LAMA1: variants seen among roughly 807,000 people sequenced by gnomAD.
LAMA1 encodes the protein laminin subunit alpha-1.
A neutral mutation model predicts 348.7 loss-of-function variants in LAMA1; 219 were observed. The observed-to-expected ratio is 0.63, with a 90% confidence interval of 0.56 to 0.70. The LOEUF is 0.70. LAMA1 is among the 30% of genes least tolerant of loss of function. LAMA1 has a pLI of 0.00. For missense variants in LAMA1, 3,744 were observed against 3,888.0 expected (o/e 0.96, Z 0.99); for synonymous variants, 1,487 against 1,491.0 (o/e 1.00, Z 0.06).
At chr18:7,008,692 A>C (rs2057844867) in intron 27 of LAMA1, 84 bp from the exon 28 acceptor site, 1 of 1,507,908 alleles carries the variant, frequency 6.6e-7, no homozygotes, top group East Asian at 2.3e-5. Flanking sequence ...ACACTTGCAT[A>C]TATATGAAAC....
At chr18:6,970,770 G>A (rs2057654768) in intron 48 of LAMA1, among the ~76,000 whole-genome samples, 2 of 152,096 alleles carry the variant, frequency 1.3e-5, no homozygotes, top group African/African-American at 4.8e-5. Context: ...GTGCCACCAT[G>A]CCCAGATAAT....
chr18:6,986,313 T>G lies in LAMA1; in HGVS notation c.5203A>C (p.Asn1735His). The G allele has an allele frequency of 1.2e-6, 2 of 1,614,188 alleles. No individual in the cohort carries two copies. The highest frequency in any genetic ancestry group is 1.7e-6 in the Non-Finnish European group (2 of 1,180,032). The change falls in exon 37 of 63, where the codon AAT (asparagine) becomes CAT (histidine). Residue 1735 changes from asparagine to histidine, a missense_variant. Asn to His is a moderately conservative substitution (Grantham distance 68, BLOSUM62 1). Around this residue, in one of 3 missense-constraint regions of LAMA1, gnomAD observed 1,983 missense variants for 1,934.3 expected, o/e 1.03. Transcript: ENST00000389658. ...AEDLLSQIQE[N>H]YQKPLEELEV... The stretch of plus-strand genomic sequence containing the variant: ...AATTCTTCCAGCGGCTTCTGGTAAT[T>G]TTCCTGAATTTGTGACAATAAATCT...
intron 19 of LAMA1, among the ~76,000 whole-genome samples, chr18:7,020,948 C>T (rs368889524): frequency 1.3e-5 from 2 of 152,156 alleles, no homozygotes; most frequent in African/African-American, 4.8e-5. Flanking sequence ...ACAGGGAGGA[C>T]GAGGTGACCT....
chr18:6,966,898 T>A (rs1224250402), intron 48 of LAMA1, among the ~76,000 whole-genome samples: 1 of 152,244 alleles, frequency 6.6e-6, no homozygotes, highest in East Asian at 1.9e-4. Context: ...GTGTGTTTTC[T>A]GGTCTTCTCC....
intron 1 of LAMA1, among the ~76,000 whole-genome samples, chr18:7,098,306 G>T (rs1480919969): frequency 2.6e-5 from 4 of 151,900 alleles, no homozygotes; most frequent in Non-Finnish European, 5.9e-5. Context: ...CTGCCTGGCC[G>T]CCCATCGTCT....
rs769399218 is a variant in LAMA1 at position 7,008,587 on chromosome 18, C to G, written c.4023G>C (p.Glu1341Asp). 4.3e-6 allele frequency: 7 copies of G among 1,614,054 alleles called. No homozygotes were observed. The highest frequency in any genetic ancestry group is 2.2e-5 in the South Asian group (2 of 91,078). Residue 1341 changes from glutamate (E) to aspartate (D), a missense_variant, in exon 28 of 63, where the codon GAG becomes GAC. Glu to Asp is a conservative substitution (Grantham distance 45). This residue lies in a region of LAMA1 where 1,983 missense variants were observed against 1,934.3 expected (regional missense o/e 1.03). Transcript: ENST00000389658. ...GCAGCTTTTCAGCCTTTCTGCCAAC[C>G]TCCATTGAAATGTCTGAGATTCTGT... is the stretch of plus-strand genomic sequence containing the variant. ...QQSRISDISM[E>D]VGRKAEKLHP...
intron 41 of LAMA1, among the ~76,000 whole-genome samples, 169 bp downstream of exon 41, chr18:6,982,312 TGAAGTTTATATGATAG>T (rs1231462152): frequency 6.6e-6 from 1 of 152,166 alleles, no homozygotes; most frequent in Non-Finnish European, 1.5e-5. Flanking sequence ...CCAAATTATA[TGAAGTTTATATGATAG>T]GAAGTTTATA....
intron 1 of LAMA1, among the ~76,000 whole-genome samples, chr18:7,095,122 T>TTC (rs71165720): frequency 0.15 from 18,346 of 125,982 alleles, 1,531 homozygotes; most frequent in South Asian, 0.2. Flanking sequence ...CTCAGGACCT[T>TTC]TCTCTCTCTC....
intron 19 of LAMA1, among the ~76,000 whole-genome samples, chr18:7,018,569 G>T (rs1221470176): frequency 6.6e-6 from 1 of 151,462 alleles, no homozygotes; most frequent in Non-Finnish European, 1.5e-5. Flanking sequence ...CTAATTTTTT[G>T]TATTTTTAGT....
chr18:7,042,907 A>C, intron 8 of LAMA1: 1 of 285,528 alleles, frequency 3.5e-6, no homozygotes, highest in Admixed American at 4.8e-5. Flanking sequence ...AAAAAAAAAG[A>C]TTGGCTGAAC....
At chr18:7,065,904 G>C (rs1485003481) in intron 3 of LAMA1, among the ~76,000 whole-genome samples, 1 of 152,210 alleles carries the variant, frequency 6.6e-6, no homozygotes, top group Admixed American at 6.5e-5. Context: ...GCCAGAGCGA[G>C]TCAGTGCTTT....
intron 1 of LAMA1, among the ~76,000 whole-genome samples, chr18:7,106,397 G>C (rs1345491812): frequency 6.8e-6 from 1 of 147,654 alleles, no homozygotes; most frequent in Non-Finnish European, 1.5e-5. Flanking sequence ...GTCTCACTCT[G>C]TCGCCAGGCT....
chr18:6,955,368 G>T lies in LAMA1; in HGVS notation c.8192C>A (p.Ser2731Ter), dbSNP rs773457070. Residue 2731 changes from serine (S) to a stop codon, truncating the protein, a stop_gained, in exon 57 of 63, where the codon TCG becomes TAG. Transcript: ENST00000389658. LOFTEE classifies it high-confidence loss of function. ...NSHFILPFNQSAVRKKLSVEL... is the reference protein window; with the variant it reads ...NSHFILPFNQ ...TGATACCTACTTCTTTCTGACAGCCGACTGATTAAAAGGCAAGATGAAATG... is the reference window on the plus strand; with the variant it reads ...TGATACCTACTTCTTTCTGACAGCCTACTGATTAAAAGGCAAGATGAAATG... 1.6e-5 allele frequency: 26 copies of T among 1,613,668 alleles called. No individual in the cohort carries two copies. The highest frequency in any genetic ancestry group is 2.1e-5 in the Non-Finnish European group (25 of 1,179,820).
intron 36 of LAMA1, among the ~76,000 whole-genome samples, chr18:6,991,515 C>T (rs1185185056): frequency 3.3e-5 from 5 of 151,642 alleles, no homozygotes; most frequent in African/African-American, 9.7e-5. Flanking sequence ...CTCAGCCTCC[C>T]GAGTAGCTGA....
intron 57 of LAMA1, among the ~76,000 whole-genome samples, chr18:6,951,263 A>G (rs1038418648): frequency 6.6e-6 from 1 of 152,228 alleles, no homozygotes. Flanking sequence ...GGTCCTGTAG[A>G]GGCCAACCAG....
At chr18:6,980,489 G>T (rs369289585) in intron 42 of LAMA1, 32 bp downstream of exon 42, 1 of 1,254,822 alleles carries the variant, frequency 8.0e-7, no homozygotes, top group East Asian at 2.3e-5. Context: ...ATGAGAAGAC[G>T]TTATTTACAG....
chr18:6,947,266 A>G lies in LAMA1; in HGVS notation c.8741T>C (p.Val2914Ala). The change falls in exon 61 of 63, where the codon GTG (valine) becomes GCG (alanine). Residue 2914 changes from valine to alanine, a missense_variant. Physicochemically the swap from Val to Ala is moderately conservative, Grantham distance 64 (BLOSUM62 0). This residue lies in a region of LAMA1 where 232 missense variants were observed against 264.4 expected (regional missense o/e 0.88). Coordinates refer to ENST00000389658, the MANE Select transcript of LAMA1 (RefSeq NM_005559.4). Reference protein sequence around the residue: ...VKEGYKVQSDVNITLEFRTSS... With the variant: ...VKEGYKVQSDANITLEFRTSS... ...GGTTCGAAACTCCAGTGTGATGTTC[A>G]CATCTGACTGGACTTTGTAGCCCTC... 1 of 1,614,014 alleles carries G rather than the reference A, an allele frequency of 6.2e-7. No homozygotes were observed. The highest frequency in any genetic ancestry group is 8.5e-7 in the Non-Finnish European group (1 of 1,180,030).
chr18:7,067,373 C>T (rs1299659064), intron 3 of LAMA1, among the ~76,000 whole-genome samples: 1 of 151,804 alleles, frequency 6.6e-6, no homozygotes, highest in East Asian at 1.9e-4. Context: ...GTGAATCTGA[C>T]AAACCTCATG....
At chr18:7,106,939 T>A (rs1196134072) in intron 1 of LAMA1, among the ~76,000 whole-genome samples, 1 of 151,798 alleles carries the variant, frequency 6.6e-6, no homozygotes, top group East Asian at 2.0e-4. Flanking sequence ...GCACCTCCAA[T>A]AAAGCAGCCA....
Sources: gnomAD v4.1 joint callset for allele counts (sites outside exome capture counted in the v4.1 genomes callset) on GRCh38, gnomAD v4.1.1 for gene constraint, gnomAD v4.1.1 regional missense constraint, MANE v1.5 for transcripts, NCBI Gene and HGNC (gene_info 2026-07-23, HGNC 2026-07-21) for gene names.